ADK: variants seen among roughly 807,000 people sequenced by gnomAD.
ADK encodes the protein N6,N6-dimethyladenosine kinase.
Under a neutral mutation model 44.7 loss-of-function variants are expected in ADK, and 24 were observed. The observed-to-expected ratio is 0.54, with a 90% confidence interval of 0.39 to 0.76. The LOEUF is 0.76. ADK is among the 30% of genes least tolerant of loss of function. The probability of loss-of-function intolerance (pLI) is 0.00; values close to 1 mark genes in which losing one functional copy is unlikely to be tolerated. For missense variants in ADK, 321 were observed against 425.1 expected (o/e 0.76, Z 2.15); for synonymous variants, 128 against 142.6 (o/e 0.90, Z 0.73).
At chr10:74,319,171 A>AT (rs1294782296) in intron 4 of ADK, among the ~76,000 whole-genome samples, 1 of 152,212 alleles carries the variant, frequency 6.6e-6, no homozygotes, top group Non-Finnish European at 1.5e-5. Context: ...TGGTTACGTT[A>AT]TTTTTTTAAA....
chr10:74,472,217 A>G (rs1237696700), intron 6 of ADK, among the ~76,000 whole-genome samples: 8 of 152,212 alleles, frequency 5.3e-5, no homozygotes, highest in Middle Eastern at 3.4e-3. Context: ...AAAAAGTGGC[A>G]AGGGGGGCAT....
At chr10:74,356,999 G>A (rs938714857) in intron 4 of ADK, among the ~76,000 whole-genome samples, 4 of 152,186 alleles carry the variant, frequency 2.6e-5, no homozygotes, top group Non-Finnish European at 5.9e-5. Flanking sequence ...TCTGGGCAGA[G>A]CAGGGTGGCA....
intron 1 of ADK, among the ~76,000 whole-genome samples, chr10:74,199,683 A>AT (rs374729311): frequency 3.1e-4 from 47 of 150,814 alleles, no homozygotes; most frequent in Non-Finnish European, 6.4e-4. Flanking sequence ...ATTTTTTTTC[A>AT]TTTTTTTTAT....
chr10:74,397,637 A>G (rs951260229), intron 5 of ADK, among the ~76,000 whole-genome samples: 1 of 152,084 alleles, frequency 6.6e-6, no homozygotes, highest in African/African-American at 2.4e-5. Context: ...TCCTGGGCTC[A>G]AGCAATCCTC....
chr10:74,355,799 T>C (rs889640114), intron 4 of ADK, among the ~76,000 whole-genome samples: 1 of 152,138 alleles, frequency 6.6e-6, no homozygotes, highest in African/African-American at 2.4e-5. Context: ...TCTTTCCTTA[T>C]GTGTTTGTTG....
chr10:74,276,537 A>G (rs1267724543), intron 3 of ADK, among the ~76,000 whole-genome samples: 2 of 152,246 alleles, frequency 1.3e-5, no homozygotes, highest in Non-Finnish European at 2.9e-5. Flanking sequence ...TAGGCCAGAA[A>G]TCTGATACAG....
intron 3 of ADK, among the ~76,000 whole-genome samples, chr10:74,310,575 C>T (rs535347797): frequency 1.8e-4 from 28 of 152,238 alleles, no homozygotes; most frequent in African/African-American, 6.3e-4. Context: ...TCCTGTCTTT[C>T]GTATGAGCTA....
intron 6 of ADK, among the ~76,000 whole-genome samples, chr10:74,461,917 A>G (rs545153303): frequency 6.6e-6 from 1 of 152,178 alleles, no homozygotes; most frequent in South Asian, 2.1e-4. Context: ...TGGAAAATGA[A>G]ATTATCCTGT....
intron 1 of ADK, among the ~76,000 whole-genome samples, chr10:74,190,187 A>C (rs1236306247): frequency 6.6e-6 from 1 of 152,228 alleles, no homozygotes; most frequent in Non-Finnish European, 1.5e-5. Flanking sequence ...GAATCACTTT[A>C]TAATTTGCAA....
chr10:74,527,879 C>T lies in ADK; in HGVS notation c.726+2453C>T, dbSNP rs905612076. ...GCCAGATCTCTAACATACGTCAGTA[C>T]AGGAAAAGGCAAGAGAAGGATTGTG... On this transcript the variant is annotated intron_variant, in intron 7 of 10. Transcript: ENST00000539909. The T allele has an allele frequency of 7.0e-6, 6 of 861,058 alleles. No individual in the cohort carries two copies. The East Asian group carries it at 1.2e-4, about 17-fold the overall frequency. The allele number at this position is 861,058 out of a possible 1,614,324, so 53.3% of individuals were successfully genotyped here. A position where few individuals can be genotyped will look rare whatever the true frequency, so the allele number is the denominator to read the frequency against.
chr10:74,182,144 T>G (rs1281188125), intron 1 of ADK, among the ~76,000 whole-genome samples: 1 of 152,208 alleles, frequency 6.6e-6, no homozygotes, highest in Non-Finnish European at 1.5e-5. Flanking sequence ...TGGCTAAGAT[T>G]GAAACTGTCT....
rs980848711 is a variant in ADK at position 74,676,118 on chromosome 10, T to G, written c.964+5849T>G. Among the ~76,000 whole-genome samples, 22 of 151,720 alleles carry G rather than the reference T, an allele frequency of 1.5e-4. 1 individual carries two copies. The highest frequency in any genetic ancestry group is 1.7e-4 in the African/African-American group (7 of 41,424). ...AGATTAGAAGATTTTACTTTGTTGG[T>G]TTTTTTTGTTTTGTTTTCGTTTTTG... On this transcript the variant is annotated intron_variant, in intron 10 of 10. Transcript: ENST00000539909.
intron 6 of ADK, among the ~76,000 whole-genome samples, chr10:74,443,705 T>A (rs769740186): frequency 3.9e-5 from 6 of 152,156 alleles, no homozygotes; most frequent in Non-Finnish European, 5.9e-5. Flanking sequence ...TAGATCTCAA[T>A]AAAGCTTTTA....
At chr10:74,708,298 G>A (rs200511064) in intron 10 of ADK, 23 bp from the exon 11 acceptor site, 384 of 1,584,460 alleles carry the variant, frequency 2.4e-4, no homozygotes, top group Non-Finnish European at 3.2e-4. Context: ...ATACTCATGT[G>A]TTTTTTTTTG....
In ADK at chr10:74,315,880, A is replaced by G. The variant is rs959561521; in HGVS notation, c.273+1135A>G. Among the ~76,000 whole-genome samples the G allele has an allele frequency of 6.6e-5, 10 of 152,146 alleles. 1 individual carries two copies. Among genetic ancestry groups the G allele is most frequent in the Admixed American group, 6.5e-4 (10 of 15,268 alleles). Reference sequence around the variant, plus strand: ...CCTGAGTCTTTGTATTGGTCAATTGATTTGTATTGTTTTTGGTAAAACATC... The same window carrying G: ...CCTGAGTCTTTGTATTGGTCAATTGGTTTGTATTGTTTTTGGTAAAACATC... On this transcript the variant is annotated intron_variant, in intron 4 of 10. Coordinates refer to ENST00000539909, the MANE Select transcript of ADK (RefSeq NM_006721.4).
At chr10:74,486,530 CT>C (rs1847273213) in intron 6 of ADK, among the ~76,000 whole-genome samples, 2 of 152,082 alleles carry the variant, frequency 1.3e-5, no homozygotes, top group Admixed American at 1.3e-4. Flanking sequence ...TTGATTGTTC[CT>C]TTCATTAGAT....
chr10:74,698,866 GT>G (rs1231804190), intron 10 of ADK, among the ~76,000 whole-genome samples: 9 of 150,368 alleles, frequency 6.0e-5, no homozygotes, highest in African/African-American at 2.2e-4. Flanking sequence ...ACTTGTTTTT[GT>G]TTTTTTGTTG....
chr10:74,468,915 CTTTGT>C (rs1403998653), intron 6 of ADK, among the ~76,000 whole-genome samples: 9 of 151,970 alleles, frequency 5.9e-5, no homozygotes, highest in Admixed American at 3.3e-4. Context: ...TTTCTAGTTG[CTTTGT>C]TTTGTTCAAA....
intron 3 of ADK, among the ~76,000 whole-genome samples, chr10:74,280,574 A>G (rs1846898422): frequency 6.6e-6 from 1 of 152,148 alleles, no homozygotes; most frequent in Non-Finnish European, 1.5e-5. Flanking sequence ...CCCAGCTCTA[A>G]ATAAGTTTTA....
Sources: allele counts gnomAD v4.1 joint callset (sites outside exome capture counted in the v4.1 genomes callset), GRCh38; gene constraint gnomAD v4.1.1; transcripts MANE v1.5; gene names NCBI Gene and HGNC (gene_info 2026-07-23, HGNC 2026-07-21).